Variants in KIAA1671 observed in about 807,000 individuals in gnomAD.
KIAA1671 encodes KIAA1671.
In KIAA1671, 52 loss-of-function variants were observed where a neutral mutation model predicts 131.2. The ratio of observed to expected loss-of-function variants is 0.40; its 90% CI spans 0.32 to 0.50. The LOEUF (loss-of-function observed/expected upper bound fraction) is 0.50, where lower values mean the gene tolerates loss of function less well. Ranked by LOEUF, KIAA1671 falls within the 20% of genes least tolerant of loss-of-function variation. KIAA1671 has a pLI of 0.73. For missense variants in KIAA1671, 2,360 were observed against 2,364.2 expected (o/e 1.00, Z 0.04); for synonymous variants, 1,003 against 961.6 (o/e 1.04, Z -0.80).
At chr22:25,161,272 A>G (rs1268746761) in intron 6 of KIAA1671, among the ~76,000 whole-genome samples, 1 of 152,218 alleles carries the variant, frequency 6.6e-6, no homozygotes, top group East Asian at 1.9e-4. Context: ...CACACATTCA[A>G]CGAGTCATAC....
chr22:25,021,707 T>G (rs1257454542), intron 1 of KIAA1671, among the ~76,000 whole-genome samples: 1 of 152,164 alleles, frequency 6.6e-6, no homozygotes, highest in South Asian at 2.1e-4. Flanking sequence ...TGGGGCCCTT[T>G]CTGGAGGACA....
chr22:25,019,050 T>TTTTGTGTG (rs1555954405), intron 1 of KIAA1671, among the ~76,000 whole-genome samples: 3 of 144,110 alleles, frequency 2.1e-5, no homozygotes, highest in African/African-American at 7.9e-5. Flanking sequence ...AATAGTTGTT[T>TTTTGTGTG]TGTGTGTGTG....
intron 1 of KIAA1671, among the ~76,000 whole-genome samples, chr22:24,976,102 C>G (rs1358230637): frequency 6.6e-6 from 1 of 152,234 alleles, no homozygotes; most frequent in South Asian, 2.1e-4. Context: ...TCCCACTCCC[C>G]ACCCGTAGCC....
At chr22:25,147,056 A>AGGGAGGGAGG (rs1304623366) in intron 6 of KIAA1671, among the ~76,000 whole-genome samples, 1 of 152,120 alleles carries the variant, frequency 6.6e-6, no homozygotes, top group Non-Finnish European at 1.5e-5. Flanking sequence ...GAAATGAGAG[A>AGGGAGGGAGG]GGGAGGGAGG....
chr22:25,151,784 GC>G (rs1933054810), intron 6 of KIAA1671, among the ~76,000 whole-genome samples: 1 of 151,864 alleles, frequency 6.6e-6, no homozygotes, highest in Non-Finnish European at 1.5e-5. Flanking sequence ...TGTTGCCCGG[GC>G]AGGAGTGTGG....
intron 6 of KIAA1671, among the ~76,000 whole-genome samples, chr22:25,133,740 G>T (rs967008847): frequency 1.3e-5 from 2 of 152,062 alleles, no homozygotes; most frequent in Non-Finnish European, 2.9e-5. Flanking sequence ...TAGAGATGGG[G>T]TCTTGCTATG....
intron 6 of KIAA1671, among the ~76,000 whole-genome samples, chr22:25,170,199 C>T (rs1239090640): frequency 1.3e-5 from 2 of 152,146 alleles, no homozygotes; most frequent in African/African-American, 4.8e-5. Flanking sequence ...AAGAGTGAGC[C>T]ACCATGCCCG....
intron 6 of KIAA1671, among the ~76,000 whole-genome samples, chr22:25,093,736 CA>C (rs1930160309): frequency 8.7e-6 from 1 of 115,218 alleles, no homozygotes; most frequent in African/African-American, 4.2e-5. Flanking sequence ...CACACACACA[CA>C]CTCTCTCTCT....
intron 6 of KIAA1671, among the ~76,000 whole-genome samples, chr22:25,088,078 T>C (rs930588797): frequency 2.6e-5 from 4 of 151,942 alleles, no homozygotes; most frequent in Admixed American, 1.3e-4. Flanking sequence ...GTTTCACTGG[T>C]GTTAATGATG....
At chr22:25,174,699 G>A (rs1933965748) in intron 8 of KIAA1671, 6 of 497,942 alleles carry the variant, frequency 1.2e-5, no homozygotes, top group Admixed American at 1.1e-4. Flanking sequence ...ACCTCTCTGA[G>A]CCTCAGCTTC....
At chr22:24,964,218 A>G (rs1175476004) in intron 1 of KIAA1671, among the ~76,000 whole-genome samples, 7 of 151,890 alleles carry the variant, frequency 4.6e-5, no homozygotes, top group Non-Finnish European at 7.4e-5. Flanking sequence ...AGTCCTAGCT[A>G]CTTGGGAGGC....
At chr22:25,139,548 G>C (rs754774862) in intron 6 of KIAA1671, among the ~76,000 whole-genome samples, 2 of 152,256 alleles carry the variant, frequency 1.3e-5, no homozygotes, top group Admixed American at 1.3e-4. Flanking sequence ...CTCCTCAGCA[G>C]ATGCTTGTTG....
At position 24,972,611 on chromosome 22, in the gene KIAA1671, C is replaced by T. The variant is rs143672559; in HGVS notation, c.-208+19839C>T. On this transcript the variant is annotated intron_variant, in intron 1 of 12. Coordinates refer to ENST00000358431, the MANE Select transcript of KIAA1671 (RefSeq NM_001145206.2). Reference sequence around the variant, plus strand: ...TTCTTTCCATCTACTACCTTCCATTCCATCCACTTATTCTTTATTTCTTTC... The same window carrying T: ...TTCTTTCCATCTACTACCTTCCATTTCATCCACTTATTCTTTATTTCTTTC... Among the ~76,000 whole-genome samples the T allele has an allele frequency of 9.8e-3, 1,497 of 152,266 alleles. 10 individuals are homozygous for T. Among genetic ancestry groups the T allele is most frequent in the Non-Finnish European group, 0.015 (1,030 of 68,028 alleles).
intron 1 of KIAA1671, among the ~76,000 whole-genome samples, chr22:24,972,536 CTA>C (rs762698441): frequency 5.3e-5 from 8 of 152,194 alleles, no homozygotes; most frequent in Non-Finnish European, 7.3e-5. Flanking sequence ...GTGTATTCAT[CTA>C]TCATTTCATT....
intron 9 of KIAA1671, chr22:25,179,693 TA>T (rs1371569588): frequency 6.7e-6 from 4 of 601,168 alleles, no homozygotes; most frequent in Non-Finnish European, 1.2e-5. Context: ...GTTAGTATAT[TA>T]ATTGAGGCTC....
intron 1 of KIAA1671, among the ~76,000 whole-genome samples, chr22:24,989,752 A>G (rs1173071433): frequency 6.6e-6 from 1 of 152,110 alleles, no homozygotes. Flanking sequence ...ACCACTCCCC[A>G]AGAAAACACG....
chr22:25,153,219 C>A (rs1018734636), intron 6 of KIAA1671, among the ~76,000 whole-genome samples: 1 of 152,186 alleles, frequency 6.6e-6, no homozygotes, highest in Non-Finnish European at 1.5e-5. Flanking sequence ...TCCCACACAT[C>A]CCCCAAGAAA....
intron 6 of KIAA1671, among the ~76,000 whole-genome samples, chr22:25,107,073 G>T (rs1485455252): frequency 1.3e-5 from 2 of 152,070 alleles, no homozygotes; most frequent in East Asian, 3.9e-4. Flanking sequence ...AAATTATATA[G>T]GAAAACACCC....
At chr22:24,996,434 C>CT (rs1417765975) in intron 1 of KIAA1671, among the ~76,000 whole-genome samples, 1 of 152,108 alleles carries the variant, frequency 6.6e-6, no homozygotes, top group African/African-American at 2.4e-5. Flanking sequence ...ATTGCCATTC[C>CT]TTTTCAGACT....
Sources: gnomAD v4.1 joint callset for allele counts (sites outside exome capture counted in the v4.1 genomes callset) on GRCh38, gnomAD v4.1.1 for gene constraint, MANE v1.5 for transcripts, NCBI Gene and HGNC (gene_info 2026-07-23, HGNC 2026-07-21) for gene names.